The following NXPH2 variants were observed in gnomAD, a reference collection of about 807,000 sequenced individuals.
NXPH2 encodes neurexophilin-2.
NXPH2 carries 5 observed loss-of-function variants against 19.8 expected under a neutral mutation model. The observed-to-expected ratio is 0.25, with a 90% CI of 0.13 to 0.53. The LOEUF is 0.53. NXPH2 is among the 20% of genes least tolerant of loss of function. The probability of loss-of-function intolerance (pLI) is 0.96; values close to 1 mark genes in which losing one functional copy is unlikely to be tolerated. For synonymous variants in NXPH2, 154 were observed against 127.4 expected (o/e 1.21, Z -1.41); for missense variants, 289 against 322.8 (o/e 0.90, Z 0.80).
intron 1 of NXPH2, among the ~76,000 whole-genome samples, chr2:138,678,428 CTG>C (rs1680518898): frequency 6.6e-6 from 1 of 151,862 alleles, no homozygotes; most frequent in South Asian, 2.1e-4. Flanking sequence ...GGGTTGCAGA[CTG>C]TTGTTATTAT....
chr2:138,682,889 A>C (rs1680598735), intron 1 of NXPH2, among the ~76,000 whole-genome samples: 1 of 152,228 alleles, frequency 6.6e-6, no homozygotes, highest in African/African-American at 2.4e-5. Flanking sequence ...ACGCATGCCT[A>C]CACACTCTAG....
intron 1 of NXPH2, among the ~76,000 whole-genome samples, chr2:138,674,758 G>C (rs1215835959): frequency 6.6e-6 from 1 of 152,174 alleles, no homozygotes; most frequent in Non-Finnish European, 1.5e-5. Context: ...AGGATGCATG[G>C]GCAGATAAGA....
At chr2:138,701,547 T>C (rs1032714856) in intron 1 of NXPH2, among the ~76,000 whole-genome samples, 1 of 152,188 alleles carries the variant, frequency 6.6e-6, no homozygotes, top group Non-Finnish European at 1.5e-5. Flanking sequence ...AGGTTTATTG[T>C]ATGCTTGGTG....
chr2:138,700,864 C>T (rs184707203), intron 1 of NXPH2, among the ~76,000 whole-genome samples: 4 of 152,094 alleles, frequency 2.6e-5, no homozygotes, highest in Admixed American at 6.6e-5. Flanking sequence ...ACCACAGTGG[C>T]GCTGATATCT....
chr2:138,695,471 A>T (rs2104978655), intron 1 of NXPH2, among the ~76,000 whole-genome samples: 1 of 152,308 alleles, frequency 6.6e-6, no homozygotes, highest in Non-Finnish European at 1.5e-5. Flanking sequence ...ATGTGAAGAT[A>T]TTACTTCTGC....
rs529869210 is a variant in NXPH2 at position 138,673,644 on chromosome 2, T to C, written c.52-1979A>G. On this transcript the variant is annotated intron_variant, in intron 1 of 1. Coordinates refer to ENST00000272641, the MANE Select transcript of NXPH2 (RefSeq NM_007226.3). ...ATTTTATTTAAAAAAATGGGATTAA[T>C]TTTTTTTTTTTTTTGGTAGAGATGG... 3.3e-3 allele frequency among the ~76,000 whole-genome samples: 423 copies of C among 129,724 alleles called. 1 individual carries two copies. The highest frequency in any genetic ancestry group is 0.013 in the African/African-American group (412 of 31,882). The allele number at this position is 129,724 out of a possible 152,430, so 85.1% of individuals were successfully genotyped here.
At chr2:138,692,592 C>T (rs1680761790) in intron 1 of NXPH2, among the ~76,000 whole-genome samples, 2 of 152,006 alleles carry the variant, frequency 1.3e-5, no homozygotes, top group South Asian at 4.1e-4. Context: ...TAATGTGGGC[C>T]AAGAGAAAGC....
intron 1 of NXPH2, among the ~76,000 whole-genome samples, chr2:138,687,128 A>G (rs1228809461): frequency 2.0e-5 from 3 of 152,208 alleles, no homozygotes; most frequent in African/African-American, 4.8e-5. Flanking sequence ...GAATCGCCAC[A>G]CTGTCTTCCA....
chr2:138,751,655 C>T (rs1335519989), intron 1 of NXPH2, among the ~76,000 whole-genome samples: 1 of 152,052 alleles, frequency 6.6e-6, no homozygotes, highest in African/African-American at 2.4e-5. Context: ...TATAATATAA[C>T]CATATTTCCT....
chr2:138,742,374 G>A (rs911423593), intron 1 of NXPH2, among the ~76,000 whole-genome samples: 4 of 152,218 alleles, frequency 2.6e-5, no homozygotes, highest in African/African-American at 4.8e-5. Flanking sequence ...TTGGAAATAC[G>A]CCCTGGAACT....
chr2:138,753,099 T>C (rs1432634616), intron 1 of NXPH2, among the ~76,000 whole-genome samples: 1 of 152,160 alleles, frequency 6.6e-6, no homozygotes, highest in African/African-American at 2.4e-5. Context: ...TTCCCCTCCT[T>C]GAGGGTGAAG....
chr2:138,698,284 G>A (rs1680859615), intron 1 of NXPH2, among the ~76,000 whole-genome samples: 1 of 151,932 alleles, frequency 6.6e-6, no homozygotes, highest in South Asian at 2.1e-4. Context: ...TATAATGTTA[G>A]GTTAAAATAG....
At chr2:138,772,978 C>T (rs1175386194) in intron 1 of NXPH2, among the ~76,000 whole-genome samples, 1 of 152,190 alleles carries the variant, frequency 6.6e-6, no homozygotes, top group African/African-American at 2.4e-5. Context: ...ATTTTGCAAA[C>T]CATGTAGTGC....
At chr2:138,728,150 A>C (rs1173037698) in intron 1 of NXPH2, among the ~76,000 whole-genome samples, 1 of 66,386 alleles carries the variant, frequency 1.5e-5, no homozygotes, top group Non-Finnish European at 3.4e-5. Flanking sequence ...AAGACACCAG[A>C]GTGCGCTCTC....
intron 1 of NXPH2, among the ~76,000 whole-genome samples, chr2:138,753,951 GA>G (rs1350377814): frequency 6.6e-6 from 1 of 152,010 alleles, no homozygotes; most frequent in Non-Finnish European, 1.5e-5. Flanking sequence ...CTTAGATCAG[GA>G]AACATCACCC....
At chr2:138,687,385 C>A (rs1490808535) in intron 1 of NXPH2, among the ~76,000 whole-genome samples, 1 of 152,108 alleles carries the variant, frequency 6.6e-6, no homozygotes, top group Non-Finnish European at 1.5e-5. Flanking sequence ...ACTTCACCGT[C>A]TTTTTGATGG....
At chr2:138,744,084 C>T (rs932987549) in intron 1 of NXPH2, among the ~76,000 whole-genome samples, 25 of 150,160 alleles carry the variant, frequency 1.7e-4, no homozygotes, top group Admixed American at 1.2e-3. Flanking sequence ...AAATATCCTA[C>T]TCTCTTACTC....
chr2:138,687,885 TC>T (rs1680685127), intron 1 of NXPH2, among the ~76,000 whole-genome samples: 1 of 152,198 alleles, frequency 6.6e-6, no homozygotes, highest in Non-Finnish European at 1.5e-5. Flanking sequence ...TCTGTTCTGT[TC>T]CATTGGTCTA....
intron 1 of NXPH2, among the ~76,000 whole-genome samples, chr2:138,683,588 G>T (rs968095563): frequency 1.3e-5 from 2 of 152,088 alleles, no homozygotes; most frequent in African/African-American, 2.4e-5. Flanking sequence ...CGGTCTTCAG[G>T]TACCATTAAT....
Sources: allele counts gnomAD v4.1 joint callset (sites outside exome capture counted in the v4.1 genomes callset), GRCh38; gene constraint gnomAD v4.1.1; transcripts MANE v1.5; gene names NCBI Gene and HGNC (gene_info 2026-07-23, HGNC 2026-07-21).